KCND2: variants seen among roughly 807,000 people sequenced by gnomAD.
The protein encoded by KCND2 is potassium voltage-gated channel subfamily D member 2, also known as A-type voltage-gated potassium channel KCND2.
Under a neutral mutation model 54.4 loss-of-function variants are expected in KCND2, and 16 were observed. That is an observed-to-expected ratio of 0.29 (90% CI 0.20 to 0.45). KCND2 has a LOEUF of 0.45. KCND2 is among the 20% of genes least tolerant of loss of function. The pLI is 1.00. For synonymous variants in KCND2, 317 were observed against 310.7 expected (o/e 1.02, Z -0.21); for missense variants, 486 against 824.2 (o/e 0.59, Z 5.02).
At chr7:120,384,554 T>G (rs1800960719) in intron 1 of KCND2, among the ~76,000 whole-genome samples, 1 of 152,150 alleles carries the variant, frequency 6.6e-6, no homozygotes, top group Admixed American at 6.6e-5. Context: ...TACAGCACAT[T>G]GCATATACAT....
At chr7:120,400,257 A>C (rs574512784) in intron 1 of KCND2, among the ~76,000 whole-genome samples, 1 of 152,290 alleles carries the variant, frequency 6.6e-6, no homozygotes, top group South Asian at 2.1e-4. Flanking sequence ...TGAATGCAAA[A>C]GGGTTCTACA....
At chr7:120,435,689 C>T (rs1801855085) in intron 1 of KCND2, among the ~76,000 whole-genome samples, 1 of 151,922 alleles carries the variant, frequency 6.6e-6, no homozygotes, top group Non-Finnish European at 1.5e-5. Flanking sequence ...AGATCTGAAC[C>T]ACCGAACAGA....
At chr7:120,370,482 G>A (rs1800750065) in intron 1 of KCND2, among the ~76,000 whole-genome samples, 1 of 151,978 alleles carries the variant, frequency 6.6e-6, no homozygotes, top group Non-Finnish European at 1.5e-5. Context: ...AGACACAAAA[G>A]TACATGTGTT....
intron 1 of KCND2, among the ~76,000 whole-genome samples, chr7:120,618,747 A>G (rs1793060336): frequency 6.6e-6 from 1 of 152,236 alleles, no homozygotes; most frequent in African/African-American, 2.4e-5. Context: ...ACACTTTGCA[A>G]TATTTCAGGC....
At chr7:120,585,293 G>A (rs1562880035) in intron 1 of KCND2, among the ~76,000 whole-genome samples, 2 of 152,060 alleles carry the variant, frequency 1.3e-5, no homozygotes, top group African/African-American at 4.8e-5. Context: ...AAGAACAGAG[G>A]CAGAGAAACA....
At chr7:120,406,863 A>C (rs1801368497) in intron 1 of KCND2, among the ~76,000 whole-genome samples, 1 of 151,990 alleles carries the variant, frequency 6.6e-6, no homozygotes, top group African/African-American at 2.4e-5. Flanking sequence ...GAAAAACTAG[A>C]AAATTAGCTT....
chr7:120,304,203 G>A (rs563767760), intron 1 of KCND2, among the ~76,000 whole-genome samples: 1 of 152,238 alleles, frequency 6.6e-6, no homozygotes, highest in Admixed American at 6.5e-5. Flanking sequence ...TGTCTTATAT[G>A]TGAAGAAGTA....
intron 1 of KCND2, among the ~76,000 whole-genome samples, chr7:120,475,313 A>G (rs1339762010): frequency 6.6e-6 from 1 of 152,218 alleles, no homozygotes; most frequent in East Asian, 1.9e-4. Flanking sequence ...AAGTTAACTA[A>G]CATTTGTTGA....
chr7:120,285,439 A>G (rs1013962953), intron 1 of KCND2, among the ~76,000 whole-genome samples: 1 of 151,976 alleles, frequency 6.6e-6, no homozygotes, highest in Non-Finnish European at 1.5e-5. Context: ...CATATTGTCT[A>G]TTTTATTAGA....
At position 120,346,898 on chromosome 7, in the gene KCND2, C is replaced by T. The variant is rs190934476; in HGVS notation, c.1115+71151C>T. 1.1e-3 allele frequency among the ~76,000 whole-genome samples: 167 copies of T among 152,268 alleles called. 1 individual carries two copies. The highest frequency in any genetic ancestry group is 9.7e-3 in the Admixed American group (148 of 15,286). On this transcript the variant is annotated intron_variant, in intron 1 of 5. Coordinates refer to ENST00000331113, the MANE Select transcript of KCND2 (RefSeq NM_012281.3). ...TCATTTTTGTAGCACATACTAAGTG[C>T]TATTTTGTTCTCTGCTCTGGAAAAG... is the stretch of plus-strand genomic sequence containing the variant.
intron 1 of KCND2, among the ~76,000 whole-genome samples, chr7:120,495,856 T>C (rs1052995033): frequency 3.9e-5 from 6 of 152,156 alleles, no homozygotes; most frequent in African/African-American, 1.2e-4. Context: ...AAGAATTTTC[T>C]GGGCTTTGAA....
chr7:120,300,998 G>A lies in KCND2; in HGVS notation c.1115+25251G>A, dbSNP rs56230684. On this transcript the variant is annotated intron_variant, in intron 1 of 5. Coordinates refer to ENST00000331113, the MANE Select transcript of KCND2 (RefSeq NM_012281.3). Reference sequence around the variant, plus strand: ...GGGCCCACAAAGGTAAAAGTCCTCAGGGCTTCAAAAGTTATAATGCAAAGT... The same window carrying A: ...GGGCCCACAAAGGTAAAAGTCCTCAAGGCTTCAAAAGTTATAATGCAAAGT... 4.9e-3 allele frequency among the ~76,000 whole-genome samples: 741 copies of A among 152,084 alleles called. 10 individuals carry two copies. The highest frequency in any genetic ancestry group is 0.017 in the African/African-American group (705 of 41,504).
chr7:120,325,490 A>G (rs1226469611), intron 1 of KCND2, among the ~76,000 whole-genome samples: 1 of 151,002 alleles, frequency 6.6e-6, no homozygotes, highest in Non-Finnish European at 1.5e-5. Context: ...TACCTAATTT[A>G]TTGAGAGTTT....
At chr7:120,356,573 C>A (rs1166283215) in intron 1 of KCND2, among the ~76,000 whole-genome samples, 1 of 152,026 alleles carries the variant, frequency 6.6e-6, no homozygotes, top group East Asian at 1.9e-4. Context: ...GTAAAGGGGC[C>A]CAGTCTGGCC....
At chr7:120,318,050 GA>G (rs890847272) in intron 1 of KCND2, among the ~76,000 whole-genome samples, 4 of 152,172 alleles carry the variant, frequency 2.6e-5, no homozygotes, top group African/African-American at 9.6e-5. Context: ...AGAGATGTCA[GA>G]GGGTTATGAA....
At chr7:120,497,139 A>G (rs1211617373) in intron 1 of KCND2, among the ~76,000 whole-genome samples, 4 of 152,350 alleles carry the variant, frequency 2.6e-5, no homozygotes, top group African/African-American at 9.6e-5. Flanking sequence ...TTTTTTAACT[A>G]GACTGAAATT....
intron 1 of KCND2, among the ~76,000 whole-genome samples, chr7:120,333,481 AT>A (rs943983241): frequency 6.6e-6 from 1 of 152,092 alleles, no homozygotes; most frequent in African/African-American, 2.4e-5. Context: ...ATTCAACTCC[AT>A]TTGTTCAAAA....
intron 1 of KCND2, among the ~76,000 whole-genome samples, chr7:120,612,707 CAAT>C (rs1428906783): frequency 2.0e-5 from 3 of 152,130 alleles, no homozygotes; most frequent in Non-Finnish European, 4.4e-5. Flanking sequence ...GTTCCTAAAA[CAAT>C]AAAGCACTTC....
chr7:120,576,450 T>C (rs1792435148), intron 1 of KCND2, among the ~76,000 whole-genome samples: 1 of 152,242 alleles, frequency 6.6e-6, no homozygotes, highest in African/African-American at 2.4e-5. Context: ...TTGTAAATAA[T>C]GTTATGTAGA....
Sources: allele counts gnomAD v4.1 joint callset (sites outside exome capture counted in the v4.1 genomes callset), GRCh38; gene constraint gnomAD v4.1.1; transcripts MANE v1.5; gene names NCBI Gene and HGNC (gene_info 2026-07-23, HGNC 2026-07-21).